Variants in USP47 observed in about 807,000 individuals in gnomAD.
USP47 encodes ubiquitin carboxyl-terminal hydrolase 47.
A neutral mutation model predicts 165.1 loss-of-function variants in USP47; 35 were observed. The ratio of observed to expected loss-of-function variants is 0.21; its 90% CI spans 0.16 to 0.28. USP47 has a LOEUF of 0.28. Among genes scored for constraint, USP47 ranks in the 10% least tolerant of loss-of-function variants. The probability of loss-of-function intolerance (pLI) is 1.00; values close to 1 mark genes in which losing one functional copy is unlikely to be tolerated. For missense variants in USP47, 1,277 were observed against 1,607.4 expected, an observed-to-expected ratio of 0.79 and a Z score of 3.52; for synonymous variants, 531 against 544.5, an observed-to-expected ratio of 0.98 and a Z score of 0.35.
chr11:11,845,505 A>G (rs1264680242), intron 1 of USP47, among the ~76,000 whole-genome samples: 3 of 152,252 alleles, frequency 2.0e-5, no homozygotes, highest in East Asian at 3.9e-4. Context: ...GACATCTATT[A>G]TGATCTGAAA....
chr11:11,956,265 G>C lies in USP47; in HGVS notation c.*90G>C. On this transcript the variant is annotated 3_prime_UTR_variant, in exon 28 of 28. Coordinates refer to ENST00000527733, the MANE Select transcript of USP47 (RefSeq NM_001282659.2). The stretch of plus-strand genomic sequence containing the variant: ...GGTAGTGCCATTTTGGCCGGACATG[G>C]TTGGGGTAACCCAGTGACACCAGCA... The C allele has an allele frequency of 1.4e-6, 2 of 1,478,876 alleles. No homozygotes were observed. The highest frequency in any genetic ancestry group is 1.9e-6 in the Non-Finnish European group (2 of 1,076,070). 91.6% of individuals were successfully genotyped at this position (1,478,876 alleles called of 1,614,324 possible). A position where few individuals can be genotyped will look rare whatever the true frequency, so the allele number is the denominator to read the frequency against.
At chr11:11,929,005 C>G (rs1007209838) in intron 11 of USP47, among the ~76,000 whole-genome samples, 1 of 151,816 alleles carries the variant, frequency 6.6e-6, no homozygotes, top group African/African-American at 2.4e-5. Context: ...AGAAGATGTT[C>G]CAAATAATTA....
intron 6 of USP47, 115 bp from the exon 7 acceptor site, chr11:11,903,148 A>G: frequency 2.0e-6 from 2 of 1,005,838 alleles, no homozygotes; most frequent in South Asian, 2.1e-5. Context: ...TCTTTTTTAA[A>G]TTTGGCATTA....
intron 1 of USP47, among the ~76,000 whole-genome samples, chr11:11,858,154 CTTG>C (rs370263315): frequency 4.1e-4 from 63 of 152,262 alleles, no homozygotes; most frequent in African/African-American, 1.3e-3. Context: ...CATCTCTGCT[CTTG>C]TTGTTTCATT....
chr11:11,880,226 C>G lies in USP47; in HGVS notation c.89C>G (p.Thr30Ser), dbSNP rs1220956079. ...EPRVLCIIQDTTNSKTVNERI... is the reference protein window; with the variant it reads ...EPRVLCIIQDSTNSKTVNERI... ...AGAGTCTTATGTATTATACAAGATA[C>G]TACTAATTCAAAGACAGTGAATGAA... Residue 30 changes from threonine (T) to serine (S), a missense_variant, in exon 2 of 28, where the codon ACT (threonine) becomes AGT (serine). Around this residue, in one of 4 missense-constraint regions of USP47, gnomAD observed 181 missense variants for 194.7 expected, o/e 0.93. Coordinates refer to ENST00000527733, the MANE Select transcript of USP47 (RefSeq NM_001282659.2). The G allele has an allele frequency of 2.7e-6, 4 of 1,465,268 alleles. No homozygotes were observed. Among genetic ancestry groups the G allele is most frequent in the African/African-American group, 1.5e-5 (1 of 68,118 alleles). 90.8% of individuals were successfully genotyped at this position (1,465,268 alleles called of 1,614,324 possible). A position where few individuals can be genotyped will look rare whatever the true frequency, so the allele number is the denominator to read the frequency against.
At chr11:11,922,922 A>C in intron 11 of USP47, 31 bp downstream of exon 11, 1 of 1,594,526 alleles carries the variant, frequency 6.3e-7, no homozygotes, top group South Asian at 1.1e-5. Context: ...TTTTTAGTTG[A>C]AAGTGAGAAT....
In USP47 at chr11:11,956,106, A is replaced by G. The variant is rs1476446399; in HGVS notation, c.3999A>G (p.Ser1333=). 1.9e-6 allele frequency: 3 copies of G among 1,613,818 alleles called. No homozygotes were observed. Among genetic ancestry groups the G allele is most frequent in the Non-Finnish European group, 2.5e-6 (3 of 1,179,936 alleles). The change falls in exon 28 of 28, where the codon TCA becomes TCG. Residue 1333 remains serine (S), a synonymous_variant. Transcript: ENST00000527733. ...LQKTGHRVTY[S]PRKEKALKIY... is the part of the protein sequence containing the mutation. ...AGACTGGACATCGTGTAACATACTC[A>G]CCTCGTAAAGAGAAAGCACTAAAAA...
At chr11:11,884,731 G>A (rs1851044980) in intron 3 of USP47, 151 bp downstream of exon 3, 2 of 576,172 alleles carry the variant, frequency 3.5e-6, no homozygotes, top group Non-Finnish European at 6.1e-6. Context: ...TTATAAGTGT[G>A]TAGAATAACA....
At chr11:11,846,520 G>GT (rs1255572807) in intron 1 of USP47, among the ~76,000 whole-genome samples, 2 of 151,992 alleles carry the variant, frequency 1.3e-5, no homozygotes, top group Non-Finnish European at 2.9e-5. Context: ...TTATCTCTGG[G>GT]TTTTTTTCTC....
At chr11:11,867,585 G>T (rs1849765015) in intron 1 of USP47, among the ~76,000 whole-genome samples, 2 of 152,044 alleles carry the variant, frequency 1.3e-5, no homozygotes. Flanking sequence ...CTTGAAGCAT[G>T]TTAAACATTT....
At chr11:11,877,974 A>T (rs1850584898) in intron 1 of USP47, among the ~76,000 whole-genome samples, 1 of 152,066 alleles carries the variant, frequency 6.6e-6, no homozygotes, top group African/African-American at 2.4e-5. Context: ...AGTATTTTTA[A>T]AAAAAGCAAA....
At chr11:11,936,902 A>G (rs922933115) in intron 17 of USP47, among the ~76,000 whole-genome samples, 10 of 151,886 alleles carry the variant, frequency 6.6e-5, no homozygotes, top group Admixed American at 3.3e-4. Context: ...GTATATTCCC[A>G]TAAAGTCTCA....
At chr11:11,855,864 T>A (rs991133427) in intron 1 of USP47, among the ~76,000 whole-genome samples, 1 of 152,196 alleles carries the variant, frequency 6.6e-6, no homozygotes, top group Non-Finnish European at 1.5e-5. Context: ...GAATAAGGAA[T>A]CTGGCCTAGT....
rs547663795 is a variant in USP47 at position 11,849,619 on chromosome 11, C to T, written c.39+7395C>T. 3.9e-5 allele frequency among the ~76,000 whole-genome samples: 6 copies of T among 152,286 alleles called. No individual in the cohort carries two copies. In the East Asian group the frequency reaches 9.7e-4, roughly 25 times the overall value. On this transcript the variant is annotated intron_variant, in intron 1 of 27. Coordinates refer to ENST00000527733, the MANE Select transcript of USP47 (RefSeq NM_001282659.2). The stretch of plus-strand genomic sequence containing the variant: ...TTCGTGAGAAGCTCTTTCCCAGGGC[C>T]TTCTGACCTACTCCAGTTTGAACTT...
intron 3 of USP47, among the ~76,000 whole-genome samples, chr11:11,885,208 G>T (rs1003660765): frequency 1.3e-5 from 2 of 151,930 alleles, no homozygotes; most frequent in African/African-American, 4.8e-5. Flanking sequence ...CGTTGTAGAG[G>T]ACATGAGTTA....
chr11:11,850,630 A>T (rs1848674175), intron 1 of USP47, among the ~76,000 whole-genome samples: 1 of 152,148 alleles, frequency 6.6e-6, no homozygotes, highest in South Asian at 2.1e-4. Context: ...CCTAAGCTGA[A>T]TGGAAGCTCT....
rs1476369370 is a variant in USP47, at chr11:11,932,961, C to G, written c.1652-43C>G. The G allele has an allele frequency of 2.0e-6, 3 of 1,481,330 alleles. No individual in the cohort carries two copies. The South Asian group carries it at 3.5e-5, about 17-fold the overall frequency. The allele number at this position is 1,481,330 out of a possible 1,614,324, so 91.8% of individuals were successfully genotyped here. ...TGAAGCAGGATGAATAAAGGCAGCTCAGTTTCAGTGACACTGTCTTATCCT... is the reference window on the plus strand; with the variant it reads ...TGAAGCAGGATGAATAAAGGCAGCTGAGTTTCAGTGACACTGTCTTATCCT... On this transcript the variant is annotated intron_variant, in intron 14 of 27. Coordinates refer to ENST00000527733, the MANE Select transcript of USP47 (RefSeq NM_001282659.2).
chr11:11,880,905 G>T (rs1227194441), intron 2 of USP47, among the ~76,000 whole-genome samples: 1 of 152,024 alleles, frequency 6.6e-6, no homozygotes, highest in Non-Finnish European at 1.5e-5. Context: ...TTCTTTGTAT[G>T]AACATGTGTA....
At chr11:11,861,339 G>A (rs894587281) in intron 1 of USP47, among the ~76,000 whole-genome samples, 5 of 152,000 alleles carry the variant, frequency 3.3e-5, no homozygotes, top group South Asian at 2.1e-4. Flanking sequence ...CGGGTGATTC[G>A]GCTGCCTTGG....
Sources: gnomAD v4.1 joint callset for allele counts (sites outside exome capture counted in the v4.1 genomes callset) on GRCh38, gnomAD v4.1.1 for gene constraint, gnomAD v4.1.1 regional missense constraint, MANE v1.5 for transcripts, NCBI Gene and HGNC (gene_info 2026-07-23, HGNC 2026-07-21) for gene names.